SNX13: variants seen among roughly 807,000 people sequenced by gnomAD.
SNX13 encodes sorting nexin 13.
SNX13 carries 45 observed loss-of-function variants against 133.6 expected under a neutral mutation model. That is an observed-to-expected ratio of 0.34 (90% CI 0.27 to 0.43). The LOEUF is 0.43. SNX13 is among the 20% of genes least tolerant of loss of function. The pLI is 1.00. For synonymous variants in SNX13, 414 were observed against 373.9 expected (o/e 1.11, Z -1.24); for missense variants, 1,032 against 1,145.1 (o/e 0.90, Z 1.43).
chr7:17,923,386 C>T (rs1385372398), intron 1 of SNX13, among the ~76,000 whole-genome samples: 1 of 151,986 alleles, frequency 6.6e-6, no homozygotes, highest in Non-Finnish European at 1.5e-5. Context: ...TTTTAAAACC[C>T]CTCAATGAGA....
chr7:17,804,505 G>A (rs910552380), intron 20 of SNX13, among the ~76,000 whole-genome samples: 5 of 151,928 alleles, frequency 3.3e-5, no homozygotes, highest in Non-Finnish European at 7.4e-5. Flanking sequence ...GGTGGAATAC[G>A]AAGACTGTAA....
intron 5 of SNX13, chr7:17,888,631 T>C: frequency 6.5e-6 from 3 of 465,044 alleles, no homozygotes; most frequent in South Asian, 4.7e-5. Flanking sequence ...AATTTCTAAA[T>C]TCCTTCACAA....
chr7:17,935,753 G>A (rs908540445), intron 1 of SNX13, among the ~76,000 whole-genome samples: 1 of 152,148 alleles, frequency 6.6e-6, no homozygotes, highest in Admixed American at 6.5e-5. Context: ...TTCCACTCCC[G>A]TTATAAAATC....
intron 9 of SNX13, among the ~76,000 whole-genome samples, chr7:17,854,112 G>C (rs1454252608): frequency 6.6e-6 from 1 of 152,258 alleles, no homozygotes; most frequent in Admixed American, 6.5e-5. Context: ...GAGTGTAAAA[G>C]ATTTTTTTTC....
rs770654028 is a variant in SNX13, at chr7:17,814,203, T to C, written c.2064+631A>G. Among the ~76,000 whole-genome samples the C allele has an allele frequency of 3.1e-4, 47 of 152,308 alleles. 1 individual carries two copies. Among genetic ancestry groups the C allele is most frequent in the Admixed American group, 5.2e-4 (8 of 15,304 alleles). ...ATTCACATAATGCTCTAATGAAATT[T>C]AAATCTTCATTTCTTGAGTAAACTG... On this transcript the variant is annotated intron_variant, in intron 20 of 25. Transcript: ENST00000428135.
chr7:17,937,932 A>T (rs1161104083), intron 1 of SNX13, among the ~76,000 whole-genome samples: 1 of 152,214 alleles, frequency 6.6e-6, no homozygotes, highest in East Asian at 1.9e-4. Context: ...TAATATAAAG[A>T]CAGGAGAATC....
At chr7:17,914,115 G>C (rs1799296090) in intron 1 of SNX13, among the ~76,000 whole-genome samples, 1 of 119,406 alleles carries the variant, frequency 8.4e-6, no homozygotes, top group African/African-American at 3.3e-5. Flanking sequence ...GAATAGACTA[G>C]ACCAAGCAGA....
chr7:17,936,099 T>G (rs1401902989), intron 1 of SNX13, among the ~76,000 whole-genome samples: 1 of 152,206 alleles, frequency 6.6e-6, no homozygotes, highest in Non-Finnish European at 1.5e-5. Context: ...CAAGAAAGTG[T>G]ATTCACCTCC....
intron 9 of SNX13, among the ~76,000 whole-genome samples, chr7:17,852,939 T>A (rs192819898): frequency 6.6e-6 from 1 of 152,370 alleles, no homozygotes; most frequent in African/African-American, 2.4e-5. Context: ...CAGGATATTA[T>A]GAAACATCTC....
intron 12 of SNX13, among the ~76,000 whole-genome samples, chr7:17,840,292 T>C (rs908086579): frequency 2.6e-5 from 4 of 152,092 alleles, no homozygotes; most frequent in Non-Finnish European, 4.4e-5. Flanking sequence ...TCAACATTTG[T>C]TCTCAATAAA....
At chr7:17,846,442 T>C (rs1254857077) in intron 11 of SNX13, among the ~76,000 whole-genome samples, 2 of 152,168 alleles carry the variant, frequency 1.3e-5, no homozygotes, top group Non-Finnish European at 2.9e-5. Context: ...CCGGTAAGTA[T>C]GACTACATGT....
intron 1 of SNX13, among the ~76,000 whole-genome samples, chr7:17,925,601 T>G (rs1247522192): frequency 2.6e-5 from 4 of 152,168 alleles, no homozygotes; most frequent in Non-Finnish European, 5.9e-5. Context: ...CTATCTCTAG[T>G]GCAGTGGTTC....
chr7:17,857,891 A>G (rs922163347), intron 9 of SNX13, among the ~76,000 whole-genome samples: 2 of 152,264 alleles, frequency 1.3e-5, no homozygotes, highest in African/African-American at 4.8e-5. Flanking sequence ...AAAATCGATA[A>G]GCATAATACA....
intron 14 of SNX13, 97 bp downstream of exon 14, chr7:17,834,664 C>T (rs1788929462): frequency 1.5e-6 from 1 of 672,352 alleles, no homozygotes; most frequent in Non-Finnish European, 2.4e-6. Context: ...TTTTTAATAC[C>T]ACTCTACTTT....
At chr7:17,802,534 T>C (rs1299899405) in intron 21 of SNX13, among the ~76,000 whole-genome samples, 1 of 152,118 alleles carries the variant, frequency 6.6e-6, no homozygotes, top group Non-Finnish European at 1.5e-5. Flanking sequence ...CAGTGACTTT[T>C]GTACAAATTC....
chr7:17,827,285 A>C (rs1477809255), intron 16 of SNX13, among the ~76,000 whole-genome samples: 1 of 151,954 alleles, frequency 6.6e-6, no homozygotes, highest in Admixed American at 6.6e-5. Flanking sequence ...AACATATATA[A>C]TCTAGACATG....
At chr7:17,921,222 T>C (rs558953566) in intron 1 of SNX13, among the ~76,000 whole-genome samples, 2 of 152,328 alleles carry the variant, frequency 1.3e-5, no homozygotes, top group East Asian at 3.9e-4. Context: ...TTCCCAATTA[T>C]TGGGCACTAC....
At chr7:17,818,523 T>C (rs28661343) in intron 18 of SNX13, among the ~76,000 whole-genome samples, 5,895 of 152,260 alleles carry the variant, frequency 0.039, 387 homozygotes, top group African/African-American at 0.13. Context: ...TAACTCATCA[T>C]AAACTTGCTA....
chr7:17,805,811 C>T (rs1311269998), intron 20 of SNX13, among the ~76,000 whole-genome samples: 1 of 152,048 alleles, frequency 6.6e-6, no homozygotes, highest in Non-Finnish European at 1.5e-5. Context: ...AGTACTGAAG[C>T]CTTTTTTTTG....
Sources: gnomAD v4.1 joint callset for allele counts (sites outside exome capture counted in the v4.1 genomes callset) on GRCh38, gnomAD v4.1.1 for gene constraint, MANE v1.5 for transcripts, NCBI Gene and HGNC (gene_info 2026-07-23, HGNC 2026-07-21) for gene names.